The following CDH12 variants were observed in gnomAD, a reference collection of about 807,000 sequenced individuals.
CDH12 encodes the protein cadherin 12.
Under a neutral mutation model 74.1 loss-of-function variants are expected in CDH12, and 41 were observed. The ratio of observed to expected loss-of-function variants is 0.55; its 90% CI spans 0.43 to 0.72. The LOEUF is 0.72. CDH12 is among the 30% of genes least tolerant of loss of function. The probability of loss-of-function intolerance (pLI) is 0.00; values close to 1 mark genes in which losing one functional copy is unlikely to be tolerated. For missense variants in CDH12, 945 were observed against 977.2 expected (o/e 0.97, Z 0.44); for synonymous variants, 399 against 355.0 (o/e 1.12, Z -1.39).
intron 1 of CDH12, among the ~76,000 whole-genome samples, chr5:22,703,200 C>T (rs971776705): frequency 1.3e-5 from 2 of 152,150 alleles, no homozygotes; most frequent in African/African-American, 2.4e-5. Flanking sequence ...TCAAGGGGAT[C>T]TTTGTGCTAT....
chr5:22,432,986 A>G (rs1047646461), intron 2 of CDH12, among the ~76,000 whole-genome samples: 14 of 152,084 alleles, frequency 9.2e-5, no homozygotes, highest in African/African-American at 3.4e-4. Context: ...TCATACATGT[A>G]TTACCTGGAA....
intron 9 of CDH12, among the ~76,000 whole-genome samples, chr5:21,805,418 A>G (rs922080632): frequency 2.6e-5 from 4 of 152,182 alleles, no homozygotes; most frequent in Admixed American, 1.3e-4. Flanking sequence ...CCCCTGACCT[A>G]TAACAGCAGG....
intron 3 of CDH12, among the ~76,000 whole-genome samples, chr5:22,400,266 C>T (rs1742671955): frequency 6.6e-6 from 1 of 151,880 alleles, no homozygotes; most frequent in South Asian, 2.1e-4. Context: ...TACTGAAGGC[C>T]ATTGTTTACA....
intron 1 of CDH12, among the ~76,000 whole-genome samples, chr5:22,627,445 TA>T (rs34379996): frequency 8.6e-4 from 124 of 144,834 alleles, no homozygotes; most frequent in South Asian, 8.8e-4. Context: ...TCACTATTAT[TA>T]AAAAAAAAAA....
chr5:21,885,049 G>C (rs903004103), intron 6 of CDH12, among the ~76,000 whole-genome samples: 1 of 152,016 alleles, frequency 6.6e-6, no homozygotes, highest in Non-Finnish European at 1.5e-5. Context: ...ACCATGCCCA[G>C]CTATTTTTTG....
chr5:22,660,318 T>C (rs1190128659), intron 1 of CDH12, among the ~76,000 whole-genome samples: 1 of 152,204 alleles, frequency 6.6e-6, no homozygotes, highest in East Asian at 1.9e-4. Context: ...GACTATGCAT[T>C]GGTTATTAAA....
At chr5:22,175,610 T>C (rs1379863784) in intron 4 of CDH12, among the ~76,000 whole-genome samples, 1 of 151,894 alleles carries the variant, frequency 6.6e-6, no homozygotes, top group Non-Finnish European at 1.5e-5. Flanking sequence ...GAATAGAAAA[T>C]AAAATAATGC....
At chr5:22,286,396 T>A (rs926708633) in intron 3 of CDH12, among the ~76,000 whole-genome samples, 1 of 152,202 alleles carries the variant, frequency 6.6e-6, no homozygotes, top group Non-Finnish European at 1.5e-5. Flanking sequence ...AGATGGGCCA[T>A]CCTTTACTTT....
chr5:22,182,891 G>T (rs891388187), intron 4 of CDH12, among the ~76,000 whole-genome samples: 3 of 151,914 alleles, frequency 2.0e-5, no homozygotes, highest in Non-Finnish European at 4.4e-5. Flanking sequence ...AGAAGATAGC[G>T]ATGAAGCATT....
chr5:22,275,640 A>G (rs888699453), intron 3 of CDH12, among the ~76,000 whole-genome samples: 3 of 152,180 alleles, frequency 2.0e-5, no homozygotes, highest in African/African-American at 4.8e-5. Flanking sequence ...AGCTTAAATC[A>G]TTTTTTATCC....
chr5:21,912,987 C>T (rs1267738374), intron 6 of CDH12, among the ~76,000 whole-genome samples: 5 of 152,084 alleles, frequency 3.3e-5, no homozygotes, highest in Admixed American at 6.6e-5. Flanking sequence ...GGATTATAGG[C>T]GTGTGCCACA....
chr5:22,743,621 T>A (rs1745145273), intron 1 of CDH12, among the ~76,000 whole-genome samples: 1 of 152,186 alleles, frequency 6.6e-6, no homozygotes, highest in Admixed American at 6.5e-5. Flanking sequence ...GTTTTACTGA[T>A]CATTTTACTT....
intron 2 of CDH12, among the ~76,000 whole-genome samples, chr5:22,498,863 G>A (rs1274961983): frequency 6.7e-6 from 1 of 148,252 alleles, no homozygotes; most frequent in Admixed American, 6.8e-5. Context: ...AGTAGACATA[G>A]ATACAAATAG....
At chr5:22,242,165 A>G (rs1403654180) in intron 3 of CDH12, among the ~76,000 whole-genome samples, 2 of 152,176 alleles carry the variant, frequency 1.3e-5, no homozygotes, top group Non-Finnish European at 2.9e-5. Flanking sequence ...TTATATTTGC[A>G]CTAAATATTA....
intron 1 of CDH12, among the ~76,000 whole-genome samples, chr5:22,668,867 C>T (rs1054182085): frequency 2.0e-5 from 3 of 152,012 alleles, no homozygotes; most frequent in Admixed American, 2.0e-4. Flanking sequence ...CTCCCTCCTC[C>T]TCTCCTCTTT....
At chr5:22,829,725 C>T (rs1391386354) in intron 1 of CDH12, among the ~76,000 whole-genome samples, 3 of 152,176 alleles carry the variant, frequency 2.0e-5, no homozygotes, top group African/African-American at 7.2e-5. Flanking sequence ...ACTTATGCAT[C>T]CCCAGAATAA....
chr5:21,797,591 C>A (rs763762399), intron 10 of CDH12, among the ~76,000 whole-genome samples: 3 of 151,730 alleles, frequency 2.0e-5, no homozygotes, highest in Non-Finnish European at 2.9e-5. Flanking sequence ...GGGCCGACTG[C>A]GACTCATTAG....
chr5:21,884,228 C>A, intron 6 of CDH12: 1 of 1,529,560 alleles, frequency 6.5e-7, no homozygotes, highest in Non-Finnish European at 9.1e-7. Flanking sequence ...AAGTTGTAGT[C>A]ACAGAAATTC....
intron 1 of CDH12, among the ~76,000 whole-genome samples, chr5:22,720,845 T>G: frequency 6.6e-6 from 1 of 152,324 alleles, no homozygotes; most frequent in East Asian, 1.9e-4. Flanking sequence ...ATTTTGCCCT[T>G]GCTGTAGACA....
Sources: allele counts gnomAD v4.1 joint callset (sites outside exome capture counted in the v4.1 genomes callset), GRCh38; gene constraint gnomAD v4.1.1; transcripts MANE v1.5; gene names NCBI Gene and HGNC (gene_info 2026-07-23, HGNC 2026-07-21).